PRIM2: variants seen among roughly 807,000 people sequenced by gnomAD.
PRIM2 encodes DNA primase subunit 2.
PRIM2 carries 39 observed loss-of-function variants against 67.3 expected under a neutral mutation model. The ratio of observed to expected loss-of-function variants is 0.58; its 90% confidence interval spans 0.45 to 0.76. PRIM2 has a LOEUF of 0.76. Ranked by LOEUF, PRIM2 falls within the 30% of genes least tolerant of loss-of-function variation. PRIM2 has a pLI of 0.00. For synonymous variants in PRIM2, 143 were observed against 198.7 expected (o/e 0.72, Z 2.36); for missense variants, 398 against 598.7 (o/e 0.66, Z 3.50).
At chr6:57,600,213 C>T (rs1382890754) in intron 10 of PRIM2, among the ~76,000 whole-genome samples, 2 of 152,000 alleles carry the variant, frequency 1.3e-5, no homozygotes, top group African/African-American at 4.8e-5. Context: ...ATTCAAAGTC[C>T]CTTCTGTCTC....
intron 5 of PRIM2, among the ~76,000 whole-genome samples, chr6:57,335,424 G>A (rs9475850): frequency 0.13 from 19,186 of 151,302 alleles, 1,366 homozygotes; most frequent in African/African-American, 0.18. Context: ...CAGACAAACA[G>A]AAAGACAGCA....
intron 10 of PRIM2, among the ~76,000 whole-genome samples, chr6:57,560,478 T>C (rs1775605104): frequency 6.6e-6 from 1 of 151,570 alleles, no homozygotes; most frequent in African/African-American, 2.4e-5. Flanking sequence ...GAGTCACAAA[T>C]ATTCTTAATG....
the PRIM2 span, among the ~76,000 whole-genome samples, chr6:57,229,494 T>TTA: frequency 1.8e-3 from 145 of 79,684 alleles, no homozygotes; most frequent in South Asian, 2.6e-3. Flanking sequence ...TTTTATTTAT[T>TTA]TTTTTTTTTT....
rs1161489888 is a variant in PRIM2, at chr6:57,638,679, G to A, written c.1299+6478G>A. Reference sequence around the variant, plus strand: ...AAAAGAGAGACGGGCATTACATAATGGTAAAGGGATCAATGCAAAAAGAAG... The same window carrying A: ...AAAAGAGAGACGGGCATTACATAATAGTAAAGGGATCAATGCAAAAAGAAG... On this transcript the variant is annotated intron_variant, in intron 13 of 13. Coordinates refer to ENST00000615550, the MANE Select transcript of PRIM2 (RefSeq NM_000947.5). Among the ~76,000 whole-genome samples the A allele has an allele frequency of 2.0e-5, 3 of 151,016 alleles. No individual in the cohort carries two copies. The East Asian group carries it at 5.9e-4, about 30-fold the overall frequency.
chr6:57,635,951 A>G (rs1777114464), intron 13 of PRIM2, among the ~76,000 whole-genome samples: 1 of 152,118 alleles, frequency 6.6e-6, no homozygotes, highest in South Asian at 2.1e-4. Flanking sequence ...CTTAAGATGA[A>G]ATCTAAAATT....
intron 5 of PRIM2, among the ~76,000 whole-genome samples, chr6:57,377,693 A>C (rs1203098073): frequency 6.6e-6 from 1 of 151,914 alleles, no homozygotes; most frequent in Non-Finnish European, 1.5e-5. Flanking sequence ...TTGAGTTTTA[A>C]ATTTCTGTGC....
At chr6:57,318,916 C>T (rs1767562596) in intron 2 of PRIM2, among the ~76,000 whole-genome samples, 1 of 152,102 alleles carries the variant, frequency 6.6e-6, no homozygotes, top group Non-Finnish European at 1.5e-5. Context: ...AAATAATAGT[C>T]ATAATTCAGT....
At chr6:57,435,195 A>G (rs895792863) in intron 7 of PRIM2, 2 of 152,158 alleles carry the variant, frequency 1.3e-5, no homozygotes, top group African/African-American at 4.8e-5. Flanking sequence ...TGAAATGCAA[A>G]CCATTGAATT....
chr6:57,241,075 A>G, the PRIM2 span, among the ~76,000 whole-genome samples: 1 of 151,900 alleles, frequency 6.6e-6, no homozygotes, highest in Non-Finnish European at 1.5e-5. Flanking sequence ...AATACAAAAA[A>G]TTAGCTGGCA....
intron 3 of PRIM2, 73 bp from the exon 4 acceptor site, chr6:57,324,128 G>T: frequency 1.2e-6 from 1 of 812,966 alleles, no homozygotes; most frequent in Non-Finnish European, 2.1e-6. Context: ...ATTGGCTTAG[G>T]CTGGCTCAGT....
chr6:57,625,686 G>A (rs1776938404), intron 12 of PRIM2, among the ~76,000 whole-genome samples: 1 of 152,220 alleles, frequency 6.6e-6, no homozygotes. Flanking sequence ...AAAATGGAGA[G>A]AAAAGGGTAG....
rs1300723522 is a variant in PRIM2, at chr6:57,456,935, T to C, written c.694-50452T>C. ...TTTGTGGTTTTATCTACCTTTGGCC[T>C]TTGATGATGGTGACGTACAGATGGG... On this transcript the variant is annotated intron_variant, in intron 7 of 13. Coordinates refer to ENST00000615550, the MANE Select transcript of PRIM2 (RefSeq NM_000947.5). Among the ~76,000 whole-genome samples the C allele has an allele frequency of 1.4e-3, 214 of 152,326 alleles. 1 individual carries two copies. Among genetic ancestry groups the C allele is most frequent in the Non-Finnish European group, 1.2e-4 (8 of 68,018 alleles).
At chr6:57,524,336 G>A (rs1287998505) in intron 8 of PRIM2, among the ~76,000 whole-genome samples, 2 of 152,136 alleles carry the variant, frequency 1.3e-5, no homozygotes, top group African/African-American at 2.4e-5. Flanking sequence ...AATATGAGAC[G>A]GAAAAGTTCC....
At chr6:57,291,059 A>G in the PRIM2 span, among the ~76,000 whole-genome samples, 2 of 152,194 alleles carry the variant, frequency 1.3e-5, no homozygotes, top group Admixed American at 6.5e-5. Context: ...CAATGAATCC[A>G]GGAGCTGGTT....
chr6:57,455,885 T>C (rs1780718723), intron 7 of PRIM2, among the ~76,000 whole-genome samples: 1 of 152,074 alleles, frequency 6.6e-6, no homozygotes, highest in African/African-American at 2.4e-5. Flanking sequence ...CTAGCCTGGA[T>C]GGTCTTTACA....
intron 12 of PRIM2, among the ~76,000 whole-genome samples, chr6:57,630,367 G>A (rs1413483203): frequency 1.3e-5 from 2 of 152,108 alleles, no homozygotes; most frequent in African/African-American, 4.8e-5. Flanking sequence ...GGGGAAGATT[G>A]TAGTGTGATT....
chr6:57,450,029 T>C (rs1772490245), intron 7 of PRIM2, among the ~76,000 whole-genome samples: 1 of 152,306 alleles, frequency 6.6e-6, no homozygotes, highest in East Asian at 1.9e-4. Flanking sequence ...TTACTTGTTA[T>C]TCTAGAGAGC....
intron 8 of PRIM2, among the ~76,000 whole-genome samples, chr6:57,530,570 C>T (rs1774865364): frequency 1.3e-5 from 2 of 152,290 alleles, no homozygotes; most frequent in South Asian, 2.1e-4. Flanking sequence ...ATTGCCTTCA[C>T]TCAATAATCC....
At chr6:57,341,465 C>A (rs1768488128) in intron 5 of PRIM2, among the ~76,000 whole-genome samples, 1 of 152,090 alleles carries the variant, frequency 6.6e-6, no homozygotes, top group Admixed American at 6.5e-5. Context: ...CAGGCAGAGA[C>A]CTTTTCCCAT....
Sources: gnomAD v4.1 joint callset for allele counts (sites outside exome capture counted in the v4.1 genomes callset) on GRCh38, gnomAD v4.1.1 for gene constraint, MANE v1.5 for transcripts, NCBI Gene and HGNC (gene_info 2026-07-23, HGNC 2026-07-21) for gene names.